Variants in ADAMTS9 observed in about 807,000 individuals in gnomAD.
ADAMTS9 encodes ADAM metallopeptidase with thrombospondin type 1 motif 9.
A neutral mutation model predicts 257.1 loss-of-function variants in ADAMTS9; 107 were observed. That is an observed-to-expected ratio of 0.42 (90% CI 0.36 to 0.49). ADAMTS9 has a LOEUF of 0.49. ADAMTS9 is among the 20% of genes least tolerant of loss of function. The pLI is 0.03. For synonymous variants in ADAMTS9, 982 were observed against 880.9 expected (o/e 1.11, Z -2.03); for missense variants, 2,353 against 2,469.1 (o/e 0.95, Z 1.00).
chr3:64,534,546 C>A (rs1174768797), intron 37 of ADAMTS9, among the ~76,000 whole-genome samples: 8 of 152,202 alleles, frequency 5.3e-5, no homozygotes, highest in Non-Finnish European at 1.0e-4. Flanking sequence ...TATATCCCAG[C>A]TCCTCAATTA....
chr3:64,619,300 G>C (rs562313209), intron 19 of ADAMTS9, among the ~76,000 whole-genome samples: 1 of 151,882 alleles, frequency 6.6e-6, no homozygotes, highest in East Asian at 1.9e-4. Context: ...AACAGGGATG[G>C]GGCAAAAAAA....
chr3:64,654,004 G>T (rs772811273), intron 8 of ADAMTS9, among the ~76,000 whole-genome samples: 9 of 152,182 alleles, frequency 5.9e-5, no homozygotes, highest in Non-Finnish European at 8.8e-5. Context: ...GTTAAATCAG[G>T]AAAGTTCTCT....
chr3:64,663,962 T>A (rs899027282), intron 3 of ADAMTS9, among the ~76,000 whole-genome samples: 17 of 152,162 alleles, frequency 1.1e-4, no homozygotes, highest in African/African-American at 3.9e-4. Context: ...ATATCTTATA[T>A]ACCCACTCAA....
Position 64,594,918 on chromosome 3 carries a change from C to G in ADAMTS9, c.4180-484G>C, listed in dbSNP as rs1440301406. On this transcript the variant is annotated intron_variant, in intron 27 of 39. Coordinates refer to ENST00000498707, the MANE Select transcript of ADAMTS9 (RefSeq NM_182920.2). ...TCTCCTGTCTCAGCTTCCCGAGTAGCTGGGACTACAGGCGTGTGCCATCAC... is the reference window on the plus strand; with the variant it reads ...TCTCCTGTCTCAGCTTCCCGAGTAGGTGGGACTACAGGCGTGTGCCATCAC... Among the ~76,000 whole-genome samples the G allele has an allele frequency of 4.6e-5, 7 of 151,636 alleles. No individual in the cohort carries two copies. The South Asian group carries it at 1.3e-3, about 27-fold the overall frequency.
intron 28 of ADAMTS9, chr3:64,589,574 C>A (rs573607991): frequency 6.6e-6 from 1 of 152,126 alleles, no homozygotes; most frequent in Non-Finnish European, 1.5e-5. Flanking sequence ...ACACAGCAAA[C>A]GTTAGCTATT....
intron 3 of ADAMTS9, among the ~76,000 whole-genome samples, chr3:64,663,309 G>T (rs117446767): frequency 6.6e-6 from 1 of 152,040 alleles, no homozygotes; most frequent in East Asian, 1.9e-4. Flanking sequence ...ATATCACTAA[G>T]TTTGTGAAAA....
intron 31 of ADAMTS9, 29 bp downstream of exon 31, chr3:64,550,863 G>C: frequency 6.2e-7 from 1 of 1,612,592 alleles, no homozygotes; most frequent in South Asian, 1.1e-5. Context: ...TGGCTGAGCT[G>C]ACGATGGTTA....
chr3:64,633,886 A>C lies in ADAMTS9; in HGVS notation c.1857-7T>G. On this transcript the variant is annotated splice_region_variant and splice_polypyrimidine_tract_variant and intron_variant, in intron 12 of 39. Coordinates refer to ENST00000498707, the MANE Select transcript of ADAMTS9 (RefSeq NM_182920.2). ...TTTTCCACCATTTTTTGGTCTGAAA[A>C]AGAAAAAATGTGAAGAGCACACACA... 1 of 1,609,334 alleles carries C rather than the reference A, an allele frequency of 6.2e-7. No individual in the cohort carries two copies.
rs1381506411 is a variant in ADAMTS9, at chr3:64,543,719, GC to G, written c.5065-1750del. Among the ~76,000 whole-genome samples the G allele has an allele frequency of 9.8e-5, 15 of 152,302 alleles. No individual in the cohort carries two copies. The South Asian group carries it at 2.3e-3, about 23-fold the overall frequency. On this transcript the variant is annotated intron_variant, in intron 32 of 39. Coordinates refer to ENST00000498707, the MANE Select transcript of ADAMTS9 (RefSeq NM_182920.2). Reference sequence around the variant, plus strand: ...TTGAAAATTGGCACAAGACAGGGATGCCCCCTCTCACCACTCCTATTCAACA... The same window carrying G: ...TTGAAAATTGGCACAAGACAGGGATGCCCCTCTCACCACTCCTATTCAACA...
At chr3:64,519,832 A>G (rs191512603) in intron 39 of ADAMTS9, among the ~76,000 whole-genome samples, 157 of 152,304 alleles carry the variant, frequency 1.0e-3, no homozygotes, top group Middle Eastern at 3.4e-3. Context: ...CCCACAGCCA[A>G]TATCATACTT....
chr3:64,562,949 T>C (rs745755278), intron 29 of ADAMTS9: 2 of 152,216 alleles, frequency 1.3e-5, no homozygotes, highest in Non-Finnish European at 2.9e-5. Context: ...TGAGAAATCA[T>C]ACTGTTTCAG....
intron 39 of ADAMTS9, among the ~76,000 whole-genome samples, chr3:64,517,551 G>T (rs915283903): frequency 6.9e-6 from 1 of 144,408 alleles, no homozygotes; most frequent in South Asian, 2.2e-4. Context: ...GAACCACCAC[G>T]CTGGCCCTAG....
intron 12 of ADAMTS9, among the ~76,000 whole-genome samples, chr3:64,639,017 C>A (rs1700570144): frequency 6.6e-6 from 1 of 152,120 alleles, no homozygotes. Context: ...TCCCCTCAAA[C>A]TCCTTGAGAA....
At chr3:64,684,757 A>T (rs890387518) in intron 2 of ADAMTS9, among the ~76,000 whole-genome samples, 2 of 152,092 alleles carry the variant, frequency 1.3e-5, no homozygotes, top group Non-Finnish European at 2.9e-5. Context: ...TACCACCTAA[A>T]ACTGCCAATG....
At chr3:64,654,312 G>C in intron 8 of ADAMTS9, 41 bp downstream of exon 8, 1 of 1,576,008 alleles carries the variant, frequency 6.3e-7, no homozygotes, top group Non-Finnish European at 8.7e-7. Context: ...AAAAGGTTTA[G>C]GTCACTCCAA....
chr3:64,531,350 A>C (rs555384258), intron 38 of ADAMTS9, among the ~76,000 whole-genome samples: 14 of 152,288 alleles, frequency 9.2e-5, no homozygotes, highest in African/African-American at 3.1e-4. Flanking sequence ...TTAGAAAATA[A>C]AAATACAGGA....
rs751863594 is a variant in ADAMTS9 at position 64,561,444 on chromosome 3, T to G, written c.4698+134A>C. The G allele has an allele frequency of 4.2e-5, 42 of 1,001,986 alleles. No individual in the cohort carries two copies. The South Asian group carries it at 7.8e-4, about 19-fold the overall frequency. The allele number at this position is 1,001,986 out of a possible 1,614,324, so 62.1% of individuals were successfully genotyped here. On this transcript the variant is annotated intron_variant, in intron 30 of 39. Transcript: ENST00000498707. ...TGGAGCGAATGCGCGAGTCTGACAG[T>G]GAACCTTTTGGGAAAGAGCCAGCAT...
chr3:64,533,454 T>C (rs545697998), intron 37 of ADAMTS9, among the ~76,000 whole-genome samples, 184 bp from the exon 38 acceptor site: 13 of 152,366 alleles, frequency 8.5e-5, no homozygotes, highest in South Asian at 2.1e-4. Flanking sequence ...TCATGCATCA[T>C]GTTAGTCATC....
chr3:64,664,745 G>A (rs539723324), intron 3 of ADAMTS9, among the ~76,000 whole-genome samples: 2 of 152,278 alleles, frequency 1.3e-5, no homozygotes, highest in East Asian at 1.9e-4. Flanking sequence ...TCATGTGCAA[G>A]GTTTTGGGTG....
Sources: allele counts gnomAD v4.1 joint callset (sites outside exome capture counted in the v4.1 genomes callset), GRCh38; gene constraint gnomAD v4.1.1; transcripts MANE v1.5; gene names NCBI Gene and HGNC (gene_info 2026-07-23, HGNC 2026-07-21).